The following XKR9 variants were observed in gnomAD, a reference collection of about 807,000 sequenced individuals.
XKR9 encodes the protein XK-related protein 9.
Under a neutral mutation model 32.0 loss-of-function variants are expected in XKR9, and 32 were observed. That is an observed-to-expected ratio of 1.00 (90% CI 0.76 to 1.34). XKR9 has a LOEUF of 1.34. Ranked by LOEUF, XKR9 falls within the 40% of genes most tolerant of loss-of-function variation. XKR9 has a pLI of 0.00. For missense variants in XKR9, 546 were observed against 429.7 expected, an observed-to-expected ratio of 1.27 and a Z score of -2.39; for synonymous variants, 168 against 143.4, an observed-to-expected ratio of 1.17 and a Z score of -1.22.
At chr8:70,970,127 C>T in the XKR9 span, among the ~76,000 whole-genome samples, 58 of 152,234 alleles carry the variant, frequency 3.8e-4, no homozygotes, top group East Asian at 0.011. Flanking sequence ...ACTCCATTTT[C>T]TTTATCAGCT....
rs189135568 is a variant in XKR9, at chr8:70,701,319, G to T, written c.273-5614G>T. ...CTGTAGACCGGAGCTGTTCCTATTC[G>T]TCCATCTTGGCTGCCACCTCTCTGT... On this transcript the variant is annotated intron_variant, in intron 3 of 4. Coordinates refer to ENST00000408926, the MANE Select transcript of XKR9 (RefSeq NM_001011720.2). Among the ~76,000 whole-genome samples, 183 of 152,252 alleles carry T rather than the reference G, an allele frequency of 1.2e-3. 1 individual carries two copies. The highest frequency in any genetic ancestry group is 1.8e-3 in the Non-Finnish European group (121 of 68,012).
chr8:70,867,863 A>C, the XKR9 span, among the ~76,000 whole-genome samples: 17 of 152,252 alleles, frequency 1.1e-4, no homozygotes, highest in African/African-American at 3.6e-4. Flanking sequence ...AATCAAGAGC[A>C]GGTTAGTTAC....
intron 2 of XKR9, among the ~76,000 whole-genome samples, chr8:70,753,215 G>A (rs1420238396): frequency 6.6e-6 from 1 of 152,138 alleles, no homozygotes; most frequent in African/African-American, 2.4e-5. Context: ...ACTAACCCAG[G>A]AAGAAGTTGA....
At chr8:71,016,490 G>A in the XKR9 span, among the ~76,000 whole-genome samples, 1 of 152,126 alleles carries the variant, frequency 6.6e-6, no homozygotes, top group South Asian at 2.1e-4. Context: ...AGCCACACCT[G>A]GGTTTAAGCA....
At chr8:71,020,779 TC>T in the XKR9 span, among the ~76,000 whole-genome samples, 6 of 152,326 alleles carry the variant, frequency 3.9e-5, no homozygotes, top group African/African-American at 1.4e-4. Flanking sequence ...AGTCTTCCCT[TC>T]TAGCTATTTT....
chr8:70,809,958 C>T, the XKR9 span, among the ~76,000 whole-genome samples: 7 of 151,982 alleles, frequency 4.6e-5, no homozygotes, highest in East Asian at 1.9e-4. Context: ...AGATACTCCT[C>T]GAGAAGAGCA....
At chr8:70,739,666 G>T (rs1051262282), downstream of XKR9, among the ~76,000 whole-genome samples, 6 of 152,022 alleles carry the variant, frequency 3.9e-5, no homozygotes, top group African/African-American at 1.5e-4. Flanking sequence ...AAGCTTGGTG[G>T]TGACAAAATC....
chr8:70,721,113 G>A (rs1464093952), intron 4 of XKR9, among the ~76,000 whole-genome samples: 1 of 152,032 alleles, frequency 6.6e-6, no homozygotes. Flanking sequence ...ATTCTCTGAG[G>A]GAAGTTTGTA....
chr8:70,746,461 A>G (rs891735731), intron 2 of XKR9, among the ~76,000 whole-genome samples: 1 of 148,144 alleles, frequency 6.8e-6, no homozygotes, highest in Non-Finnish European at 1.5e-5. Context: ...AAAACATATA[A>G]AATATAATTA....
chr8:70,729,638 G>A (rs1243959038), intron 4 of XKR9, among the ~76,000 whole-genome samples: 1 of 152,028 alleles, frequency 6.6e-6, no homozygotes, highest in Non-Finnish European at 1.5e-5. Flanking sequence ...AAATCTTAGG[G>A]CAGCCATAGT....
chr8:70,901,599 A>G, the XKR9 span, among the ~76,000 whole-genome samples: 3 of 152,060 alleles, frequency 2.0e-5, no homozygotes, highest in Admixed American at 2.0e-4. Context: ...ATTTTCTCCC[A>G]TTCTGTAGGT....
At chr8:70,938,474 G>A in the XKR9 span, among the ~76,000 whole-genome samples, 1 of 151,910 alleles carries the variant, frequency 6.6e-6, no homozygotes, top group Non-Finnish European at 1.5e-5. Flanking sequence ...TCTGTGTGTT[G>A]TTTATTCTTA....
At chr8:70,799,511 T>C in the XKR9 span, among the ~76,000 whole-genome samples, 4 of 152,014 alleles carry the variant, frequency 2.6e-5, no homozygotes, top group Non-Finnish European at 4.4e-5. Context: ...TTTTGTATTT[T>C]AGTAGAGACA....
chr8:70,904,521 C>T, the XKR9 span, among the ~76,000 whole-genome samples: 18 of 152,242 alleles, frequency 1.2e-4, no homozygotes, highest in Admixed American at 8.5e-4. Flanking sequence ...TATCTCTGCA[C>T]GTGAGATGGG....
chr8:70,990,732 TAAGA>T, the XKR9 span, among the ~76,000 whole-genome samples: 1 of 88,918 alleles, frequency 1.1e-5, no homozygotes, highest in East Asian at 3.0e-4. Flanking sequence ...TTTGGCAGAA[TAAGA>T]GAGAGAGAGA....
the XKR9 span, among the ~76,000 whole-genome samples, chr8:70,966,391 G>A: frequency 6.6e-6 from 1 of 152,120 alleles, no homozygotes; most frequent in Non-Finnish European, 1.5e-5. Flanking sequence ...GGGAATACAG[G>A]CATGCACCAC....
intron 4 of XKR9, among the ~76,000 whole-genome samples, chr8:70,707,619 T>C (rs1307720409): frequency 6.6e-6 from 1 of 152,030 alleles, no homozygotes; most frequent in Non-Finnish European, 1.5e-5. Flanking sequence ...TTGTTTCTTA[T>C]ATTTAACCAT....
chr8:70,778,440 G>A (rs188154671), intron 2 of XKR9, among the ~76,000 whole-genome samples: 1 of 152,002 alleles, frequency 6.6e-6, no homozygotes. Context: ...GCTCTTTTTT[G>A]GTTCCATATG....
chr8:70,732,668 T>A (rs1352661063), intron 4 of XKR9, among the ~76,000 whole-genome samples: 1 of 152,230 alleles, frequency 6.6e-6, no homozygotes, highest in African/African-American at 2.4e-5. Context: ...GAGTTTTTTT[T>A]ATTACTGAAA....
Sources: allele counts gnomAD v4.1 joint callset (sites outside exome capture counted in the v4.1 genomes callset), GRCh38; gene constraint gnomAD v4.1.1; transcripts MANE v1.5; gene names NCBI Gene and HGNC (gene_info 2026-07-23, HGNC 2026-07-21).